Variants in CLEC2L observed in about 807,000 individuals in gnomAD.
CLEC2L encodes the protein C-type lectin domain family 2 member L.
Under a neutral mutation model 23.6 loss-of-function variants are expected in CLEC2L, and 14 were observed. The observed-to-expected ratio is 0.59, with a 90% CI of 0.39 to 0.93. The LOEUF is 0.93. Ranked by LOEUF, CLEC2L falls within the 40% of genes least tolerant of loss-of-function variation. The pLI is 0.00. For synonymous variants in CLEC2L, 114 were observed against 121.3 expected, an observed-to-expected ratio of 0.94 and a Z score of 0.40; for missense variants, 264 against 282.4, an observed-to-expected ratio of 0.93 and a Z score of 0.47.
chr7:139,532,203 A>G (rs1327768478), intron 1 of CLEC2L, among the ~76,000 whole-genome samples: 1 of 152,250 alleles, frequency 6.6e-6, no homozygotes, highest in Non-Finnish European at 1.5e-5. Context: ...ATTATTCTTG[A>G]TCTATAATAC....
intron 2 of CLEC2L, among the ~76,000 whole-genome samples, chr7:139,538,941 G>A (rs1011152074): frequency 2.0e-5 from 3 of 152,194 alleles, no homozygotes; most frequent in Non-Finnish European, 4.4e-5. Context: ...TCTCTTAGGA[G>A]ATCCTTATGG....
chr7:139,527,083 C>A lies in CLEC2L; in HGVS notation c.190+2966C>A, dbSNP rs116856483. Among the ~76,000 whole-genome samples, 659 of 152,388 alleles carry A rather than the reference C, an allele frequency of 4.3e-3. 5 individuals carry two copies. The highest frequency in any genetic ancestry group is 0.024 in the Middle Eastern group (7 of 294). ...CCATGTGCCCAATGCACATCAAGCA[C>A]CTGCTACGTGCTGGAGCCTTGCTGG... On this transcript the variant is annotated intron_variant, in intron 1 of 4. Transcript: ENST00000422142.
chr7:139,541,762 C>T (rs910594296), intron 3 of CLEC2L, among the ~76,000 whole-genome samples: 20 of 152,226 alleles, frequency 1.3e-4, no homozygotes, highest in Non-Finnish European at 2.9e-4. Context: ...CATGCACACA[C>T]AGCCAGGGTC....
intron 4 of CLEC2L, 57 bp downstream of exon 4, chr7:139,542,178 A>G: frequency 8.6e-7 from 1 of 1,163,816 alleles, no homozygotes; most frequent in Non-Finnish European, 1.2e-6. Flanking sequence ...GGCCTGACTC[A>G]CCCCCTGGAC....
At chr7:139,538,307 C>A (rs1295278891) in intron 2 of CLEC2L, among the ~76,000 whole-genome samples, 1 of 150,426 alleles carries the variant, frequency 6.6e-6, no homozygotes, top group African/African-American at 2.5e-5. Context: ...GTGGTGTGTA[C>A]CTGTAGTCCC....
At chr7:139,542,331 C>CA (rs1201761211) in intron 4 of CLEC2L, among the ~76,000 whole-genome samples, 2 of 152,220 alleles carry the variant, frequency 1.3e-5, no homozygotes, top group Admixed American at 1.3e-4. Context: ...CTTGGTGGCT[C>CA]TGCCCTGCAA....
At chr7:139,524,798 G>A (rs1401722077) in intron 1 of CLEC2L, among the ~76,000 whole-genome samples, 1 of 152,094 alleles carries the variant, frequency 6.6e-6, no homozygotes, top group Non-Finnish European at 1.5e-5. Context: ...GCAGGAGTTG[G>A]TGAGAGGGTG....
chr7:139,529,482 G>A (rs1198580362), intron 1 of CLEC2L, among the ~76,000 whole-genome samples: 1 of 152,192 alleles, frequency 6.6e-6, no homozygotes, highest in Non-Finnish European at 1.5e-5. Flanking sequence ...GAAGGGAGAA[G>A]AAGGATGCAC....
intron 1 of CLEC2L, among the ~76,000 whole-genome samples, chr7:139,524,903 T>G (rs1245576890): frequency 6.6e-6 from 1 of 152,086 alleles, no homozygotes; most frequent in East Asian, 1.9e-4. Flanking sequence ...GCCTGGAGCC[T>G]GGATCACCCA....
At position 139,529,939 on chromosome 7, in the gene CLEC2L, G is replaced by A. The variant is rs184423543; in HGVS notation, c.190+5822G>A. Among the ~76,000 whole-genome samples, 250 of 151,904 alleles carry A rather than the reference G, an allele frequency of 1.6e-3. 1 individual carries two copies. Among genetic ancestry groups the A allele is most frequent in the African/African-American group, 5.8e-3 (238 of 41,376 alleles). On this transcript the variant is annotated intron_variant, in intron 1 of 4. Transcript: ENST00000422142. ...ATAGGTTAGCCAGGCGTGGTGATGT[G>A]CGCCTATAGTCCCAGCTACTTGGGA...
At chr7:139,530,140 C>G (rs1419800629) in intron 1 of CLEC2L, among the ~76,000 whole-genome samples, 4 of 151,662 alleles carry the variant, frequency 2.6e-5, no homozygotes, top group Non-Finnish European at 5.9e-5. Flanking sequence ...GCCAGGATTG[C>G]ACCACTGTAC....
intron 1 of CLEC2L, among the ~76,000 whole-genome samples, chr7:139,530,212 A>C (rs1265541124): frequency 1.3e-5 from 2 of 151,902 alleles, no homozygotes; most frequent in African/African-American, 4.8e-5. Flanking sequence ...AACCAAACCA[A>C]ACAGCAAGGG....
intron 1 of CLEC2L, chr7:139,534,523 C>T: frequency 1.3e-6 from 1 of 771,582 alleles, no homozygotes; most frequent in Non-Finnish European, 2.4e-6. Context: ...CTACATGCTT[C>T]TTCATCGGCA....
chr7:139,541,665 T>C (rs1797737381), intron 3 of CLEC2L, among the ~76,000 whole-genome samples: 1 of 152,188 alleles, frequency 6.6e-6, no homozygotes, highest in African/African-American at 2.4e-5. Context: ...ATCCAACCAG[T>C]GGGCAATCCC....
intron 2 of CLEC2L, among the ~76,000 whole-genome samples, chr7:139,537,894 A>G (rs534865700): frequency 6.6e-6 from 1 of 152,348 alleles, no homozygotes; most frequent in South Asian, 2.1e-4. Context: ...TGCAACTAAG[A>G]ACATGTGAGG....
At chr7:139,524,637 G>T (rs1243368770) in intron 1 of CLEC2L, among the ~76,000 whole-genome samples, 1 of 152,158 alleles carries the variant, frequency 6.6e-6, no homozygotes, top group African/African-American at 2.4e-5. Context: ...CAAGGTCAGG[G>T]GTCACACCTA....
rs1797464856 is a variant in CLEC2L, at chr7:139,523,856, G to T, written c.-72G>T. The T allele has an allele frequency of 1.0e-6, 1 of 964,492 alleles. No individual in the cohort carries two copies. Among genetic ancestry groups the T allele is most frequent in the South Asian group, 4.8e-5 (1 of 20,946 alleles). The allele number at this position is 964,492 out of a possible 1,614,324, so 59.7% of individuals were successfully genotyped here. On this transcript the variant is annotated 5_prime_UTR_variant, in exon 1 of 5. Transcript: ENST00000422142. This position sits in a 1 kb window ranked among gnomAD's most constrained non-coding sequence, Gnocchi z 4.1. ...GGGGGGCCCGCAGGGCGCGCGGAGC[G>T]CCGAGTGCGCGTCGGGCTGGGCCCC...
At chr7:139,544,138 A>G (rs952288621) in intron 4 of CLEC2L, 93 bp from the exon 5 acceptor site, 43 of 817,804 alleles carry the variant, frequency 5.3e-5, no homozygotes, top group Non-Finnish European at 8.7e-5. Flanking sequence ...TGAGGGAGGG[A>G]TAGGTCACAG....
chr7:139,524,041 C>T lies in CLEC2L; in HGVS notation c.114C>T (p.Ala38=). The change falls in exon 1 of 5, where the codon GCC becomes GCT. Residue 38 remains alanine (A), a synonymous_variant. Coordinates refer to ENST00000422142, the MANE Select transcript of CLEC2L (RefSeq NM_001080511.4). ...PRPRSPAEAE[A]RGPEGLLRRS... is the part of the protein sequence containing the mutation. ...CGCGTTCGCCCGCAGAGGCTGAGGC[C>T]CGCGGCCCCGAGGGGCTGCTGCGGC... 8.3e-7 allele frequency: 1 copy of T among 1,202,026 alleles called. No homozygotes were observed. The highest frequency in any genetic ancestry group is 1.0e-6 in the Non-Finnish European group (1 of 967,654). 74.5% of individuals were successfully genotyped at this position (1,202,026 alleles called of 1,614,324 possible). A position where few individuals can be genotyped will look rare whatever the true frequency, so the allele number is the denominator to read the frequency against.
Sources: allele counts gnomAD v4.1 joint callset (sites outside exome capture counted in the v4.1 genomes callset), GRCh38; gene constraint gnomAD v4.1.1; non-coding constraint Gnocchi (gnomAD v3.1); transcripts MANE v1.5; gene names NCBI Gene and HGNC (gene_info 2026-07-23, HGNC 2026-07-21).